Variants in RNF17 observed in about 807,000 individuals in gnomAD.
RNF17 encodes spermatogenesis associated 23.
In RNF17, 31 loss-of-function variants were observed where a neutral mutation model predicts 200.5. That is an observed-to-expected ratio of 0.15 (90% CI 0.12 to 0.21). The LOEUF is 0.21. RNF17 is among the 10% of genes least tolerant of loss of function. The pLI is 1.00. For synonymous variants in RNF17, 606 were observed against 637.8 expected (o/e 0.95, Z 0.75); for missense variants, 1,628 against 1,905.1 (o/e 0.85, Z 2.71).
Position 24,842,088 on chromosome 13 carries a change from G to C in RNF17, c.2530G>C (p.Gly844Arg). ...VLLVELFDSL[G>R]APEMTTTSIN... ...CTTAGTTGAGCTTTTCGATTCTCTT[G>C]GTGCTCCTGAAATGACTACTACTAG... The change falls in exon 19 of 36, where the codon GGT becomes CGT. Residue 844 changes from glycine (G) to arginine (R), a missense_variant. Physicochemically the swap from Gly to Arg is moderately radical, Grantham distance 125. Coordinates refer to ENST00000255324, the MANE Select transcript of RNF17 (RefSeq NM_031277.3). 6.2e-7 allele frequency: 1 copy of C among 1,611,314 alleles called. No individual in the cohort carries two copies. Among genetic ancestry groups the C allele is most frequent in the Non-Finnish European group, 8.5e-7 (1 of 1,178,184 alleles).
rs1338753600 is a variant in RNF17 at position 24,877,871 on chromosome 13, C to T, written c.4773+685C>T. Among the ~76,000 whole-genome samples the T allele has an allele frequency of 2.0e-5, 3 of 152,336 alleles. No individual in the cohort carries two copies. In the East Asian group the frequency reaches 5.8e-4, roughly 29 times the overall value. ...TGTTTTCTTCTTAGGCTCAGCATGT[C>T]ACAGTAGCCCACAGGCAGAATCTGG... On this transcript the variant is annotated intron_variant, in intron 34 of 35. Transcript: ENST00000255324.
chr13:24,821,558 C>T (rs911354155), intron 15 of RNF17, among the ~76,000 whole-genome samples: 3 of 151,998 alleles, frequency 2.0e-5, no homozygotes, highest in African/African-American at 7.2e-5. Context: ...TTCTCAGACT[C>T]GATATTTAAA....
At chr13:24,859,689 TTCA>T (rs1348985468) in intron 26 of RNF17, among the ~76,000 whole-genome samples, 8 of 152,054 alleles carry the variant, frequency 5.3e-5, no homozygotes. Flanking sequence ...GATGAAGTAC[TTCA>T]TCATATATTC....
At chr13:24,789,558 A>G (rs1883578805) in intron 8 of RNF17, 134 bp downstream of exon 8, 2 of 886,110 alleles carry the variant, frequency 2.3e-6, no homozygotes, top group South Asian at 3.2e-5. Context: ...CCAAATTAAG[A>G]TAAGTGTAAT....
In RNF17 at chr13:24,868,706, C is replaced by T; in HGVS notation, c.4268C>T (p.Ser1423Leu). 6 of 1,527,566 alleles carry T rather than the reference C, an allele frequency of 3.9e-6. No individual in the cohort carries two copies. The highest frequency in any genetic ancestry group is 5.4e-6 in the Non-Finnish European group (6 of 1,101,920). 94.6% of individuals were successfully genotyped at this position (1,527,566 alleles called of 1,614,324 possible). ...GCTGTTCAAGTTAAGCACGTTGTCTCACCTAATGAAGTATGTGATCTAAAT... is the reference window on the plus strand; with the variant it reads ...GCTGTTCAAGTTAAGCACGTTGTCTTACCTAATGAAGTATGTGATCTAAAT... ...LYAVQVKHVVSPNEVYICLDS... is the reference protein window; with the variant it reads ...LYAVQVKHVVLPNEVYICLDS... The change falls in exon 31 of 36, where the codon TCA becomes TTA. Residue 1423 changes from serine (S) to leucine (L), a missense_variant. Ser to Leu is a moderately radical substitution (Grantham distance 145, BLOSUM62 -2). This residue lies in a region of RNF17 where 609 missense variants were observed against 681.9 expected (regional missense o/e 0.89). Transcript: ENST00000255324.
At chr13:24,809,644 G>T (rs1025220816) in intron 15 of RNF17, among the ~76,000 whole-genome samples, 1 of 151,934 alleles carries the variant, frequency 6.6e-6, no homozygotes, top group Non-Finnish European at 1.5e-5. Flanking sequence ...ATTTCCTTCA[G>T]TTCTGCTCTG....
intron 15 of RNF17, among the ~76,000 whole-genome samples, chr13:24,815,293 T>C (rs3977167): frequency 0.99 from 150,816 of 152,324 alleles, 74,681 homozygotes; most frequent in Middle Eastern, 1. Flanking sequence ...CTTTTAGATG[T>C]TGTTGTAAAC....
chr13:24,802,557 T>C lies in RNF17; in HGVS notation c.1935T>C (p.Phe645=). The change falls in exon 14 of 36, where the codon TTT becomes TTC. Residue 645 remains phenylalanine (F), a synonymous_variant. Transcript: ENST00000255324. ...MPVSLRDALV[F]MELAKFKSQS... ...TGTCTCTTAGAGATGCGCTAGTTTT[T>C]ATGGAACTAGCAAAGTAAGTAACTT... 2 of 1,606,206 alleles carry C rather than the reference T, an allele frequency of 1.2e-6. No individual in the cohort carries two copies. The highest frequency in any genetic ancestry group is 1.7e-6 in the Non-Finnish European group (2 of 1,177,314).
chr13:24,853,567 AACATTGAATTCATTGT>A (rs1892162865), intron 24 of RNF17, among the ~76,000 whole-genome samples: 1 of 152,176 alleles, frequency 6.6e-6, no homozygotes, highest in African/African-American at 2.4e-5. Context: ...ATCTTCTAGT[AACATTGAATTCATTGT>A]ACAATGCTTG....
At chr13:24,884,615 G>A (rs556553215), downstream of RNF17, 5 of 768,138 alleles carry the variant, frequency 6.5e-6, no homozygotes, top group East Asian at 2.7e-5. Context: ...TAGCAAACTC[G>A]TGATTTTCTA....
At chr13:24,836,222 C>CT (rs1889983583) in intron 18 of RNF17, among the ~76,000 whole-genome samples, 2 of 152,202 alleles carry the variant, frequency 1.3e-5, no homozygotes, top group African/African-American at 4.8e-5. Flanking sequence ...TTGAGGAAAA[C>CT]TTCCCCAGCC....
intron 15 of RNF17, among the ~76,000 whole-genome samples, chr13:24,815,780 G>A (rs916330828): frequency 2.2e-4 from 34 of 152,146 alleles, no homozygotes; most frequent in African/African-American, 6.8e-4. Context: ...TGTCAAGAAA[G>A]GGTGTTCAAT....
chr13:24,859,098 A>T lies in RNF17; in HGVS notation c.3708A>T (p.Ala1236=). The change falls in exon 26 of 36, where the codon GCA becomes GCT. Residue 1236 remains alanine (A), a synonymous_variant. Coordinates refer to ENST00000255324, the MANE Select transcript of RNF17 (RefSeq NM_031277.3). ...TCTGGAAAAAAGGAGAAGCATGTGC[A>T]GTAAGAGGATCCGATACTCTGTGGT... ...PYFWKKGEAC[A]VRGSDTLWYR... 6.2e-7 allele frequency: 1 copy of T among 1,613,464 alleles called. No individual in the cohort carries two copies. The highest frequency in any genetic ancestry group is 8.5e-7 in the Non-Finnish European group (1 of 1,179,568).
intron 25 of RNF17, among the ~76,000 whole-genome samples, chr13:24,855,134 G>A (rs755751347): frequency 6.6e-5 from 10 of 151,762 alleles, no homozygotes; most frequent in Non-Finnish European, 1.2e-4. Context: ...CCACCTTGGC[G>A]CATTTCACTA....
At chr13:24,879,320 A>G (rs1017457316) in intron 35 of RNF17, 25 bp downstream of exon 35, 1 of 1,408,350 alleles carries the variant, frequency 7.1e-7, no homozygotes, top group African/African-American at 1.4e-5. Context: ...TCTTCATAGC[A>G]TAAGGCATGG....
chr13:24,884,604 G>T, downstream of RNF17: 2 of 808,102 alleles, frequency 2.5e-6, no homozygotes, highest in Non-Finnish European at 2.1e-6. Context: ...TTCGTGAGGA[G>T]TAGCAAACTC....
At chr13:24,806,572 A>G (rs1425551217) in intron 15 of RNF17, among the ~76,000 whole-genome samples, 3 of 152,048 alleles carry the variant, frequency 2.0e-5, no homozygotes, top group African/African-American at 7.2e-5. Context: ...GCATTTCTCT[A>G]ATGACCAGTG....
At chr13:24,884,316 A>G (rs769845659), downstream of RNF17, 132 of 1,614,032 alleles carry the variant, frequency 8.2e-5, no homozygotes, top group Non-Finnish European at 1.1e-4. Flanking sequence ...CACCTCTGGA[A>G]ACATACCACT....
intron 15 of RNF17, among the ~76,000 whole-genome samples, chr13:24,822,332 G>A (rs1888164438): frequency 6.6e-6 from 1 of 152,146 alleles, no homozygotes; most frequent in Non-Finnish European, 1.5e-5. Flanking sequence ...GTTAGAAAAT[G>A]ATTTGGGGGC....
Sources: gnomAD v4.1 joint callset for allele counts (sites outside exome capture counted in the v4.1 genomes callset) on GRCh38, gnomAD v4.1.1 for gene constraint, gnomAD v4.1.1 regional missense constraint, MANE v1.5 for transcripts, NCBI Gene and HGNC (gene_info 2026-07-23, HGNC 2026-07-21) for gene names.